FGF12: variants seen among roughly 807,000 people sequenced by gnomAD.
The protein encoded by FGF12 is fibroblast growth factor 12B.
Under a neutral mutation model 23.6 loss-of-function variants are expected in FGF12, and 14 were observed. That is an observed-to-expected ratio of 0.59 (90% confidence interval 0.39 to 0.93). The LOEUF (loss-of-function observed/expected upper bound fraction) is 0.93. FGF12 is among the 40% of genes least tolerant of loss of function. The pLI is 0.00. For synonymous variants in FGF12, 62 were observed against 77.3 expected (o/e 0.80, Z 1.04); for missense variants, 175 against 217.8 (o/e 0.80, Z 1.24).
intron 4 of FGF12, among the ~76,000 whole-genome samples, chr3:192,185,959 G>T (rs927476015): frequency 6.6e-6 from 1 of 151,400 alleles, no homozygotes; most frequent in Non-Finnish European, 1.5e-5. Context: ...GAAAGAGAGA[G>T]AAAAAACATT....
At chr3:192,167,759 ATATATATATAAAAT>A (rs1179746035) in intron 5 of FGF12, among the ~76,000 whole-genome samples, 5 of 35,452 alleles carry the variant, frequency 1.4e-4, no homozygotes, top group African/African-American at 5.4e-4. Context: ...ATATATATAT[ATATATATATAAAAT>A]TTTTTTTTTT....
At chr3:192,254,132 T>A (rs551984709) in intron 4 of FGF12, among the ~76,000 whole-genome samples, 7 of 152,026 alleles carry the variant, frequency 4.6e-5, no homozygotes, top group African/African-American at 1.4e-4. Flanking sequence ...TTATTCCTCC[T>A]ATCAAACTGA....
intron 5 of FGF12, among the ~76,000 whole-genome samples, chr3:192,158,586 C>T (rs1285805745): frequency 3.8e-5 from 4 of 105,126 alleles, no homozygotes; most frequent in Non-Finnish European, 7.0e-5. Context: ...TTCTTTCTTT[C>T]TTCTCGTCTT....
At chr3:192,614,150 A>AGTG (rs1694836989) in intron 2 of FGF12, among the ~76,000 whole-genome samples, 1 of 151,936 alleles carries the variant, frequency 6.6e-6, no homozygotes, top group Admixed American at 6.6e-5. Flanking sequence ...TCCCTACCAC[A>AGTG]GATCATTTTA....
At chr3:192,239,257 T>C (rs543494163) in intron 4 of FGF12, among the ~76,000 whole-genome samples, 3 of 152,166 alleles carry the variant, frequency 2.0e-5, no homozygotes, top group East Asian at 1.9e-4. Flanking sequence ...AAATGAACAA[T>C]AGAAAAATCC....
At chr3:192,221,042 T>C (rs759060053) in intron 4 of FGF12, among the ~76,000 whole-genome samples, 5 of 152,176 alleles carry the variant, frequency 3.3e-5, no homozygotes, top group African/African-American at 4.8e-5. Flanking sequence ...CATGAGAGGA[T>C]GGTTTAAAGG....
rs188679205 is a variant in FGF12 at position 192,655,501 on chromosome 3, G to A, written c.13+71680C>T. On this transcript the variant is annotated intron_variant, in intron 2 of 5. Transcript: ENST00000445105. ...AAGGATTGAGAAAAACTGAGAGGCT[G>A]ATGAAATCACAACATCACCATACCA... is the stretch of plus-strand genomic sequence containing the variant. Among the ~76,000 whole-genome samples, 8 of 152,268 alleles carry A rather than the reference G, an allele frequency of 5.3e-5. No individual in the cohort carries two copies. The East Asian group carries it at 1.5e-3, about 29-fold the overall frequency.
At chr3:192,620,801 T>C (rs930593805) in intron 2 of FGF12, among the ~76,000 whole-genome samples, 8 of 152,098 alleles carry the variant, frequency 5.3e-5, no homozygotes, top group African/African-American at 1.2e-4. Context: ...TTGAGGCAAG[T>C]TGAAAGAGCT....
At chr3:192,296,265 C>A (rs1313908519) in intron 4 of FGF12, among the ~76,000 whole-genome samples, 1 of 151,108 alleles carries the variant, frequency 6.6e-6, no homozygotes, top group Non-Finnish European at 1.5e-5. Flanking sequence ...ACTCTGTCAC[C>A]CAGGCTGGAG....
intron 4 of FGF12, among the ~76,000 whole-genome samples, chr3:192,278,906 C>G (rs955241139): frequency 6.6e-6 from 1 of 150,456 alleles, no homozygotes. Context: ...CTGAAGATAT[C>G]AGTCATGGTG....
chr3:192,607,419 G>C (rs1396298031), intron 2 of FGF12, among the ~76,000 whole-genome samples: 1 of 152,098 alleles, frequency 6.6e-6, no homozygotes, highest in Non-Finnish European at 1.5e-5. Context: ...GGAAGAGGAG[G>C]AGTTTCAGGG....
intron 4 of FGF12, among the ~76,000 whole-genome samples, chr3:192,324,938 C>A (rs1313855033): frequency 1.3e-5 from 2 of 152,028 alleles, no homozygotes; most frequent in Non-Finnish European, 2.9e-5. Context: ...TTAAGGTTAG[C>A]CCTGGAGCTA....
In FGF12 at chr3:192,160,619, A is replaced by AT. The variant is rs1401444252; in HGVS notation, c.427+9838dup. ...AATGCTTGCTTATTTTTAATTGCGT[A>AT]TTTTTTACCCATTTCTAGACATAAA... On this transcript the variant is annotated intron_variant, in intron 5 of 5. Transcript: ENST00000445105. Among the ~76,000 whole-genome samples the AT allele has an allele frequency of 5.9e-5, 9 of 152,184 alleles. No homozygotes were observed. In the East Asian group the frequency reaches 9.7e-4, roughly 16 times the overall value.
intron 4 of FGF12, among the ~76,000 whole-genome samples, chr3:192,210,965 T>G (rs1717899639): frequency 6.6e-6 from 1 of 152,206 alleles, no homozygotes; most frequent in Non-Finnish European, 1.5e-5. Flanking sequence ...TTAGATCCTG[T>G]AAGCCATTGT....
chr3:192,379,172 C>T (rs1013038737), intron 2 of FGF12, among the ~76,000 whole-genome samples: 21 of 152,006 alleles, frequency 1.4e-4, no homozygotes, highest in Non-Finnish European at 2.4e-4. Context: ...GTATTTAGGT[C>T]GATTGTATGA....
chr3:192,226,648 T>A (rs961811156), intron 4 of FGF12, among the ~76,000 whole-genome samples: 2 of 152,046 alleles, frequency 1.3e-5, no homozygotes, highest in Admixed American at 6.6e-5. Context: ...GGTGATTAGG[T>A]CATGAGGGCA....
At chr3:192,190,697 C>G (rs373559135) in intron 4 of FGF12, among the ~76,000 whole-genome samples, 1,947 of 151,850 alleles carry the variant, frequency 0.013, 33 homozygotes, top group African/African-American at 0.035. Context: ...GGATGGTCTC[C>G]ATCTCCTGAC....
intron 4 of FGF12, among the ~76,000 whole-genome samples, chr3:192,316,249 G>A (rs114399764): frequency 0.022 from 3,340 of 152,148 alleles, 111 homozygotes; most frequent in African/African-American, 0.075. Flanking sequence ...CTGCTAAAAC[G>A]CAAGAATGAA....
At chr3:192,234,060 A>G (rs1381243600) in intron 4 of FGF12, among the ~76,000 whole-genome samples, 1 of 152,130 alleles carries the variant, frequency 6.6e-6, no homozygotes, top group African/African-American at 2.4e-5. Flanking sequence ...TTTTAGGTTC[A>G]TATGAATTTT....
Sources: allele counts gnomAD v4.1 joint callset (sites outside exome capture counted in the v4.1 genomes callset), GRCh38; gene constraint gnomAD v4.1.1; transcripts MANE v1.5; gene names NCBI Gene and HGNC (gene_info 2026-07-23, HGNC 2026-07-21).